The following PEX5L variants were observed in gnomAD, a reference collection of about 807,000 sequenced individuals.
PEX5L encodes peroxisomal biogenesis factor 5 like, also known as PEX5-related protein.
PEX5L carries 30 observed loss-of-function variants against 84.0 expected under a neutral mutation model. That is an observed-to-expected ratio of 0.36 (90% confidence interval 0.27 to 0.48). PEX5L has a LOEUF of 0.48. PEX5L is among the 20% of genes least tolerant of loss of function. The pLI is 0.99. For synonymous variants in PEX5L, 270 were observed against 283.1 expected, an observed-to-expected ratio of 0.95 and a Z score of 0.46; for missense variants, 533 against 754.6, an observed-to-expected ratio of 0.71 and a Z score of 3.44.
At chr3:179,955,521 A>G (rs1372794276) in intron 2 of PEX5L, among the ~76,000 whole-genome samples, 1 of 149,418 alleles carries the variant, frequency 6.7e-6, no homozygotes, top group Non-Finnish European at 1.5e-5. Flanking sequence ...ACAGGTGTTA[A>G]CGAAATTCAT....
chr3:179,912,241 A>C (rs1765425256), intron 2 of PEX5L, among the ~76,000 whole-genome samples: 1 of 152,146 alleles, frequency 6.6e-6, no homozygotes, highest in Non-Finnish European at 1.5e-5. Flanking sequence ...TCAATCTGCT[A>C]TAAATGGACT....
chr3:179,814,577 C>G (rs958360692), intron 10 of PEX5L, among the ~76,000 whole-genome samples: 2 of 152,122 alleles, frequency 1.3e-5, no homozygotes, highest in African/African-American at 4.8e-5. Context: ...TGGGAATATT[C>G]TTTATATGAT....
rs181425077 is a variant in PEX5L at position 179,832,079 on chromosome 3, A to G, written c.823-12103T>C. ...ACACCGAAGACAGCAACATGTTTATAAGGCTGTTACAGTTGTCTATATAAG... is the reference window on the plus strand; with the variant it reads ...ACACCGAAGACAGCAACATGTTTATGAGGCTGTTACAGTTGTCTATATAAG... On this transcript the variant is annotated intron_variant, in intron 8 of 14. Coordinates refer to ENST00000467460, the MANE Select transcript of PEX5L (RefSeq NM_016559.3). Among the ~76,000 whole-genome samples, 313 of 152,254 alleles carry G rather than the reference A, an allele frequency of 2.1e-3. 3 individuals are homozygous for G. The highest frequency in any genetic ancestry group is 7.3e-3 in the African/African-American group (303 of 41,534).
chr3:179,882,966 G>T (rs1754607778), intron 4 of PEX5L, among the ~76,000 whole-genome samples: 1 of 152,110 alleles, frequency 6.6e-6, no homozygotes, highest in South Asian at 2.1e-4. Flanking sequence ...AGGAGTGATG[G>T]CTATCACCTG....
At chr3:179,925,993 C>T (rs1159795143) in intron 2 of PEX5L, among the ~76,000 whole-genome samples, 2 of 151,954 alleles carry the variant, frequency 1.3e-5, no homozygotes, top group South Asian at 2.1e-4. Context: ...AAACCAATCT[C>T]CCCCCTCCAA....
intron 2 of PEX5L, among the ~76,000 whole-genome samples, chr3:179,917,400 T>C (rs1439258863): frequency 6.6e-6 from 1 of 152,094 alleles, no homozygotes; most frequent in Non-Finnish European, 1.5e-5. Flanking sequence ...TATAGTTAAG[T>C]AAATATATAA....
At chr3:179,804,553 T>C (rs1370999344) in intron 14 of PEX5L, among the ~76,000 whole-genome samples, 1 of 152,020 alleles carries the variant, frequency 6.6e-6, no homozygotes, top group Non-Finnish European at 1.5e-5. Flanking sequence ...ACACCAACAA[T>C]TTCCTCTCCT....
At position 179,900,481 on chromosome 3, in the gene PEX5L, A is replaced by G. The variant is rs191457012; in HGVS notation, c.94-2235T>C. On this transcript the variant is annotated intron_variant, in intron 2 of 14. Transcript: ENST00000467460. ...CTACCAATCCATAAACTACATAGAGATACTTTTTTACATGTGCAACTATAA... is the reference window on the plus strand; with the variant it reads ...CTACCAATCCATAAACTACATAGAGGTACTTTTTTACATGTGCAACTATAA... Among the ~76,000 whole-genome samples the G allele has an allele frequency of 4.6e-5, 7 of 152,318 alleles. No individual in the cohort carries two copies. In the East Asian group the frequency reaches 1.3e-3, roughly 29 times the overall value.
chr3:180,031,914 G>A (rs1791500968), intron 1 of PEX5L, among the ~76,000 whole-genome samples: 2 of 140,768 alleles, frequency 1.4e-5, no homozygotes, highest in Admixed American at 1.3e-4. Flanking sequence ...TTTATATGAT[G>A]AAATTTTTAC....
intron 7 of PEX5L, among the ~76,000 whole-genome samples, chr3:179,865,373 G>C (rs974820351): frequency 6.6e-6 from 1 of 152,080 alleles, no homozygotes; most frequent in African/African-American, 2.4e-5. Flanking sequence ...GGCAGTTTTC[G>C]AATAGCGATT....
At chr3:179,802,863 G>GTTT (rs201967991) in intron 14 of PEX5L, among the ~76,000 whole-genome samples, 29 of 145,982 alleles carry the variant, frequency 2.0e-4, no homozygotes, top group Admixed American at 6.8e-4. Flanking sequence ...CAAATTTCTT[G>GTTT]TTTTTTTTTT....
intron 8 of PEX5L, among the ~76,000 whole-genome samples, chr3:179,831,966 G>A (rs1279990481): frequency 1.3e-5 from 2 of 152,182 alleles, no homozygotes; most frequent in Non-Finnish European, 2.9e-5. Flanking sequence ...CTAAGGACAA[G>A]TGTAAAGCCA....
At chr3:180,014,942 T>A (rs1789816657) in intron 1 of PEX5L, among the ~76,000 whole-genome samples, 2 of 152,238 alleles carry the variant, frequency 1.3e-5, no homozygotes, top group Admixed American at 6.5e-5. Flanking sequence ...CATCAGTACC[T>A]ATTTCTGTTA....
chr3:179,871,475 A>T (rs1208310077), intron 7 of PEX5L, among the ~76,000 whole-genome samples: 2 of 152,218 alleles, frequency 1.3e-5, no homozygotes. Flanking sequence ...TTGTTCATAG[A>T]TTAAAAGACA....
rs1372102765 is a variant in PEX5L, at chr3:179,796,626, G to A, written c.*5202C>T. On this transcript the variant is annotated 3_prime_UTR_variant, in exon 15 of 15. Coordinates refer to ENST00000467460, the MANE Select transcript of PEX5L (RefSeq NM_016559.3). ...ATGGTATGTGTGTGAGGGTACCGGG[G>A]TATATGGAGTGAGTAACAAAGCTGT... 1.3e-5 allele frequency: 2 copies of A among 152,134 alleles called. No individual in the cohort carries two copies. The highest frequency in any genetic ancestry group is 2.1e-4 in the South Asian group (1 of 4,828). 9.4% of individuals were successfully genotyped at this position (152,134 alleles called of 1,614,324 possible). A position where few individuals can be genotyped will look rare whatever the true frequency, so the allele number is the denominator to read the frequency against.
intron 2 of PEX5L, among the ~76,000 whole-genome samples, chr3:179,951,432 A>G (rs1779055572): frequency 6.6e-6 from 1 of 152,168 alleles, no homozygotes; most frequent in Admixed American, 6.5e-5. Flanking sequence ...GTATAAGCAA[A>G]TGGTCTCTAT....
At chr3:180,011,058 T>C (rs974086570) in intron 1 of PEX5L, among the ~76,000 whole-genome samples, 3 of 152,088 alleles carry the variant, frequency 2.0e-5, no homozygotes, top group African/African-American at 7.2e-5. Context: ...ACGGCCCAGA[T>C]AGCGAAAGTC....
chr3:179,947,283 A>G (rs1348824097), intron 2 of PEX5L, among the ~76,000 whole-genome samples: 1 of 149,802 alleles, frequency 6.7e-6, no homozygotes, highest in Admixed American at 6.6e-5. Context: ...ATGATAATAC[A>G]GTTACCATTA....
chr3:180,010,007 G>A (rs1035606181), intron 1 of PEX5L, among the ~76,000 whole-genome samples: 3 of 151,742 alleles, frequency 2.0e-5, no homozygotes, highest in Non-Finnish European at 2.9e-5. Context: ...GCAGTGGCGC[G>A]ATCTCGACAC....
Sources: allele counts gnomAD v4.1 joint callset (sites outside exome capture counted in the v4.1 genomes callset), GRCh38; gene constraint gnomAD v4.1.1; transcripts MANE v1.5; gene names NCBI Gene and HGNC (gene_info 2026-07-23, HGNC 2026-07-21).